Variants in VAC14 observed in about 807,000 individuals in gnomAD.
The protein encoded by VAC14 is VAC14 component of PIKFYVE complex.
In VAC14, 47 loss-of-function variants were observed where a neutral mutation model predicts 85.3. That is an observed-to-expected ratio of 0.55 (90% confidence interval 0.44 to 0.70). VAC14 has a LOEUF of 0.70. Among genes scored for constraint, VAC14 ranks in the 30% least tolerant of loss-of-function variants. VAC14 has a pLI of 0.00. For synonymous variants in VAC14, 447 were observed against 430.5 expected, an observed-to-expected ratio of 1.04 and a Z score of -0.47; for missense variants, 861 against 1,004.3, an observed-to-expected ratio of 0.86 and a Z score of 1.93.
In VAC14 at chr16:70,693,825, T is replaced by C. The variant is rs781599440; in HGVS notation, c.2036-854A>G. On this transcript the variant is annotated intron_variant, in intron 17 of 18. Coordinates refer to ENST00000261776, the MANE Select transcript of VAC14 (RefSeq NM_018052.5). ...TTTGTGGAGGATATGCCATGTGCTT[T>C]GGGAGAGGGACTATGTCACCCCTGG... Among the ~76,000 whole-genome samples the C allele has an allele frequency of 4.6e-5, 7 of 152,338 alleles. 1 individual carries two copies. Among genetic ancestry groups the C allele is most frequent in the South Asian group, 4.1e-4 (2 of 4,830 alleles).
intron 13 of VAC14, among the ~76,000 whole-genome samples, chr16:70,735,602 T>C (rs930792900): frequency 6.6e-6 from 1 of 152,264 alleles, no homozygotes; most frequent in African/African-American, 2.4e-5. Context: ...TTTTCTGTGC[T>C]GTTTTTCCCA....
At chr16:70,764,116 G>A (rs1319595154) in intron 10 of VAC14, among the ~76,000 whole-genome samples, 1 of 152,242 alleles carries the variant, frequency 6.6e-6, no homozygotes, top group Admixed American at 6.5e-5. Context: ...ACTGATGGCT[G>A]TGCTTTCCTC....
At chr16:70,781,528 G>A (rs914272464) in intron 8 of VAC14, among the ~76,000 whole-genome samples, 26 of 152,132 alleles carry the variant, frequency 1.7e-4, no homozygotes, top group Admixed American at 9.2e-4. Flanking sequence ...TGTGAAATGC[G>A]CCTATTTCTT....
intron 14 of VAC14, among the ~76,000 whole-genome samples, chr16:70,723,785 G>C (rs746843401): frequency 6.6e-6 from 1 of 152,198 alleles, no homozygotes; most frequent in Non-Finnish European, 1.5e-5. Flanking sequence ...TGCTTTTAGT[G>C]AAAGACTGGC....
At position 70,785,745 on chromosome 16, in the gene VAC14, G is replaced by A. The variant is rs961879468; in HGVS notation, c.380C>T (p.Ala127Val). ...LYNIVKVARG[A>V]VLPHFNVLFD... ...GAGCACGTTGAAGTGGGGCAGCACAGCGCCCCGGGCCACCTTGACGATGTT... is the reference window on the plus strand; with the variant it reads ...GAGCACGTTGAAGTGGGGCAGCACAACGCCCCGGGCCACCTTGACGATGTT... The change falls in exon 3 of 19, where the codon GCT becomes GTT. Residue 127 changes from alanine (A) to valine (V), a missense_variant. Around this residue, in one of 3 missense-constraint regions of VAC14, gnomAD observed 629 missense variants for 703.1 expected, o/e 0.89. Coordinates refer to ENST00000261776, the MANE Select transcript of VAC14 (RefSeq NM_018052.5). The A allele has an allele frequency of 4.5e-6, 7 of 1,570,938 alleles. No individual in the cohort carries two copies. The highest frequency in any genetic ancestry group is 5.2e-6 in the Non-Finnish European group (6 of 1,156,918).
At chr16:70,732,648 T>C (rs1256652973) in intron 13 of VAC14, among the ~76,000 whole-genome samples, 2 of 152,066 alleles carry the variant, frequency 1.3e-5, no homozygotes, top group East Asian at 1.9e-4. Flanking sequence ...AGGAATTTTT[T>C]TTTTTTTTTT....
chr16:70,774,297 C>T (rs1376879238), intron 9 of VAC14, among the ~76,000 whole-genome samples: 1 of 152,172 alleles, frequency 6.6e-6, no homozygotes, highest in Non-Finnish European at 1.5e-5. Context: ...GCTGGTCACT[C>T]TGCAGAATGT....
intron 9 of VAC14, among the ~76,000 whole-genome samples, chr16:70,775,647 G>A (rs2033479389): frequency 6.6e-6 from 1 of 152,234 alleles, no homozygotes; most frequent in Non-Finnish European, 1.5e-5. Context: ...GCAGCCTGGT[G>A]TCTGTCTGAT....
chr16:70,718,414 T>C (rs1400563483), intron 14 of VAC14, among the ~76,000 whole-genome samples: 3 of 151,682 alleles, frequency 2.0e-5, no homozygotes, highest in Non-Finnish European at 4.4e-5. Context: ...CTACTAAAAA[T>C]ACAAAAAATT....
At chr16:70,784,956 A>C in intron 3 of VAC14, 118 bp from the exon 4 acceptor site, 1 of 866,596 alleles carries the variant, frequency 1.2e-6, no homozygotes, top group South Asian at 1.3e-5. Flanking sequence ...ACATCTAGCA[A>C]GAACATCACC....
intron 9 of VAC14, among the ~76,000 whole-genome samples, chr16:70,778,237 C>A (rs531300087): frequency 6.6e-6 from 1 of 152,124 alleles, no homozygotes; most frequent in Non-Finnish European, 1.5e-5. Flanking sequence ...CAAACCCGGG[C>A]CTCCCGCGTG....
rs1382928436 is a variant in VAC14, at chr16:70,783,885, G to A, written c.594+228C>T. ...AAACTCAGGTGTTTTCTGGGACAAG[G>A]AAAGAACTGGACTCCCTTCCAGGGC... is the stretch of plus-strand genomic sequence containing the variant. On this transcript the variant is annotated intron_variant, in intron 5 of 18. Coordinates refer to ENST00000261776, the MANE Select transcript of VAC14 (RefSeq NM_018052.5). Among the ~76,000 whole-genome samples the A allele has an allele frequency of 2.0e-5, 3 of 152,206 alleles. No homozygotes were observed. The East Asian group carries it at 5.8e-4, about 29-fold the overall frequency.
intron 12 of VAC14, chr16:70,744,911 G>A (rs1266007068): frequency 3.7e-6 from 1 of 267,328 alleles, no homozygotes; most frequent in South Asian, 7.3e-5. Flanking sequence ...CCAGGACTCA[G>A]GAAGCAGGGC....
chr16:70,758,390 G>A (rs2032044558), intron 12 of VAC14, among the ~76,000 whole-genome samples: 1 of 152,214 alleles, frequency 6.6e-6, no homozygotes, highest in African/African-American at 2.4e-5. Context: ...TTTAGAGCTA[G>A]GATTCAAGCC....
chr16:70,761,075 G>A (rs2032335432), intron 12 of VAC14: 1 of 408,044 alleles, frequency 2.5e-6, no homozygotes, highest in Non-Finnish European at 4.9e-6. Flanking sequence ...CAGACCATCT[G>A]TTTTGGATTT....
intron 9 of VAC14, among the ~76,000 whole-genome samples, chr16:70,780,419 C>A (rs1022589071): frequency 6.6e-6 from 1 of 152,152 alleles, no homozygotes; most frequent in South Asian, 2.1e-4. Flanking sequence ...TCCTCCCATG[C>A]TCCAAACCTT....
chr16:70,783,354 C>G, intron 6 of VAC14, 91 bp downstream of exon 6: 8 of 1,343,152 alleles, frequency 6.0e-6, no homozygotes, highest in South Asian at 3.6e-5. Flanking sequence ...ATTTCCTGCC[C>G]TCCTGCCGCG....
chr16:70,727,222 T>C (rs1425282418), intron 14 of VAC14, among the ~76,000 whole-genome samples: 1 of 152,220 alleles, frequency 6.6e-6, no homozygotes, highest in African/African-American at 2.4e-5. Flanking sequence ...AAGAACAATT[T>C]AGAGTTTGCC....
Position 70,781,972 on chromosome 16 carries a change from C to A in VAC14, c.843G>T (p.Trp281Cys). 1 of 1,614,036 alleles carries A rather than the reference C, an allele frequency of 6.2e-7. No homozygotes were observed. Among genetic ancestry groups the A allele is most frequent in the Non-Finnish European group, 8.5e-7 (1 of 1,180,008 alleles). The change falls in exon 8 of 19, where the codon TGG becomes TGT. Residue 281 changes from tryptophan to cysteine, a missense_variant. This residue lies in a region of VAC14 where 629 missense variants were observed against 703.1 expected (regional missense o/e 0.89). Coordinates refer to ENST00000261776, the MANE Select transcript of VAC14 (RefSeq NM_018052.5). ...CCGCCAGCTGGATGAACTCCCGCAT[C>A]CAGCACATGGCTGTCAGCTGGATGA... is the stretch of plus-strand genomic sequence containing the variant. ...DDLIQLTAMC[W>C]MREFIQLAGR...
Sources: gnomAD v4.1 joint callset for allele counts (sites outside exome capture counted in the v4.1 genomes callset) on GRCh38, gnomAD v4.1.1 for gene constraint, gnomAD v4.1.1 regional missense constraint, MANE v1.5 for transcripts, NCBI Gene and HGNC (gene_info 2026-07-23, HGNC 2026-07-21) for gene names.